Variants in GRIN3A observed in about 807,000 individuals in gnomAD.
GRIN3A encodes the protein glutamate receptor ionotropic, NMDA 3A.
Under a neutral mutation model 92.4 loss-of-function variants are expected in GRIN3A, and 47 were observed. The ratio of observed to expected loss-of-function variants is 0.51; its 90% confidence interval spans 0.40 to 0.65. GRIN3A has a LOEUF of 0.65. Among genes scored for constraint, GRIN3A ranks in the 30% least tolerant of loss-of-function variants. GRIN3A has a pLI of 0.00. For missense variants in GRIN3A, 1,324 were observed against 1,393.1 expected (o/e 0.95, Z 0.79); for synonymous variants, 527 against 540.6 (o/e 0.97, Z 0.35).
intron 6 of GRIN3A, among the ~76,000 whole-genome samples, chr9:101,584,099 G>A (rs916654114): frequency 6.6e-5 from 10 of 152,042 alleles, no homozygotes; most frequent in South Asian, 2.1e-4. Flanking sequence ...TAATCTGCCC[G>A]CCTCAGCCTC....
At chr9:101,624,616 G>T (rs559805939) in intron 4 of GRIN3A, among the ~76,000 whole-genome samples, 2 of 152,118 alleles carry the variant, frequency 1.3e-5, no homozygotes, top group East Asian at 3.9e-4. Context: ...TCTTAATCCA[G>T]TCTATCGTTG....
chr9:101,661,058 G>A (rs1829165634), intron 3 of GRIN3A, among the ~76,000 whole-genome samples: 1 of 151,838 alleles, frequency 6.6e-6, no homozygotes, highest in Admixed American at 6.6e-5. Context: ...AATAAACTGG[G>A]TGGAAATGAA....
At chr9:101,673,238 C>G (rs1176181853) in intron 2 of GRIN3A, among the ~76,000 whole-genome samples, 1 of 152,058 alleles carries the variant, frequency 6.6e-6, no homozygotes, top group Admixed American at 6.6e-5. Context: ...CACTAGAAAT[C>G]TTCAGAAAAT....
At chr9:101,662,093 A>G (rs1164500120) in intron 3 of GRIN3A, among the ~76,000 whole-genome samples, 10 of 152,060 alleles carry the variant, frequency 6.6e-5, no homozygotes, top group African/African-American at 2.2e-4. Flanking sequence ...TAAAGGTCGC[A>G]TAACATACAA....
At chr9:101,589,059 C>G (rs1827987705) in intron 6 of GRIN3A, among the ~76,000 whole-genome samples, 1 of 152,148 alleles carries the variant, frequency 6.6e-6, no homozygotes, top group Admixed American at 6.5e-5. Context: ...CAACCTCCGC[C>G]TTTCTGGTTC....
rs916772230 is a variant in GRIN3A at position 101,584,856 on chromosome 9, C to T, written c.2767-5496G>A. 3.9e-5 allele frequency among the ~76,000 whole-genome samples: 6 copies of T among 152,162 alleles called. 1 individual carries two copies. Among genetic ancestry groups the T allele is most frequent in the Admixed American group, 2.0e-4 (3 of 15,278 alleles). On this transcript the variant is annotated intron_variant, in intron 6 of 8. Transcript: ENST00000361820. ...CACTTGAAACATCTGACAGCTGGCTCGAGTAGTGACTAGTTCTCAAGTCTC... is the reference window on the plus strand; with the variant it reads ...CACTTGAAACATCTGACAGCTGGCTTGAGTAGTGACTAGTTCTCAAGTCTC...
At chr9:101,628,656 C>G (rs1030070281) in intron 3 of GRIN3A, among the ~76,000 whole-genome samples, 1 of 151,994 alleles carries the variant, frequency 6.6e-6, no homozygotes, top group African/African-American at 2.4e-5. Context: ...ATATTGGAAC[C>G]TATTAGAATT....
At chr9:101,723,640 T>C (rs550798053) in intron 1 of GRIN3A, among the ~76,000 whole-genome samples, 1 of 152,110 alleles carries the variant, frequency 6.6e-6, no homozygotes, top group Non-Finnish European at 1.5e-5. Context: ...AGGGTGCTGA[T>C]GGGTGCGTTT....
intron 1 of GRIN3A, among the ~76,000 whole-genome samples, chr9:101,688,257 G>A (rs1283734620): frequency 6.6e-6 from 1 of 152,134 alleles, no homozygotes; most frequent in South Asian, 2.1e-4. Context: ...ATGTGTAACA[G>A]GAAATAGAAT....
intron 1 of GRIN3A, among the ~76,000 whole-genome samples, chr9:101,704,069 C>T (rs1829784935): frequency 6.6e-6 from 1 of 152,178 alleles, no homozygotes; most frequent in Non-Finnish European, 1.5e-5. Flanking sequence ...ACGGTATTTA[C>T]TAAGCATTAG....
At chr9:101,636,760 G>A (rs564012210) in intron 3 of GRIN3A, among the ~76,000 whole-genome samples, 5 of 152,230 alleles carry the variant, frequency 3.3e-5, no homozygotes, top group South Asian at 4.2e-4. Flanking sequence ...CAAATAGCCC[G>A]TGACCTTTGG....
At chr9:101,724,483 G>A (rs185417454) in intron 1 of GRIN3A, among the ~76,000 whole-genome samples, 9 of 152,218 alleles carry the variant, frequency 5.9e-5, no homozygotes, top group Admixed American at 5.2e-4. Flanking sequence ...TCCCGCTCGC[G>A]CCTCTCCCTC....
intron 1 of GRIN3A, among the ~76,000 whole-genome samples, chr9:101,733,873 A>T (rs1048450917): frequency 7.2e-5 from 11 of 152,040 alleles, no homozygotes; most frequent in East Asian, 1.9e-4. Flanking sequence ...TAATTAAAAA[A>T]TTTTTTTAAG....
intron 8 of GRIN3A, among the ~76,000 whole-genome samples, chr9:101,573,998 T>C (rs993089211): frequency 2.0e-5 from 3 of 152,042 alleles, no homozygotes; most frequent in Non-Finnish European, 4.4e-5. Context: ...ACCATCCTGA[T>C]GTTTACTACT....
rs199579448 is a variant in GRIN3A, at chr9:101,671,067, T to C, written c.1345A>G (p.Ile449Val). 6 of 1,613,948 alleles carry C rather than the reference T, an allele frequency of 3.7e-6. No individual in the cohort carries two copies. The East Asian group carries it at 1.1e-4, about 30-fold the overall frequency. The change falls in exon 3 of 9, where the codon ATC becomes GTC. Residue 449 changes from isoleucine (I) to valine (V), a missense_variant. Transcript: ENST00000361820. ...ACGATGGTGGAACCTTTTACTCTGATGGAACCACTGAGGCCTCTGAAAGTG... is the reference window on the plus strand; with the variant it reads ...ACGATGGTGGAACCTTTTACTCTGACGGAACCACTGAGGCCTCTGAAAGTG... ...NTTFRGLSGS[I>V]RVKGSTIVSS...
intron 3 of GRIN3A, among the ~76,000 whole-genome samples, chr9:101,665,256 C>T (rs1428530304): frequency 1.3e-5 from 2 of 151,882 alleles, no homozygotes; most frequent in African/African-American, 4.8e-5. Flanking sequence ...CCTTGGAGCA[C>T]ATTTCTCAGT....
intron 3 of GRIN3A, among the ~76,000 whole-genome samples, chr9:101,638,734 T>C (rs1190815914): frequency 6.6e-6 from 1 of 152,218 alleles, no homozygotes; most frequent in Non-Finnish European, 1.5e-5. Flanking sequence ...AAACAGTAAA[T>C]GACAAAACTG....
chr9:101,735,172 T>C (rs1049760216), intron 1 of GRIN3A, among the ~76,000 whole-genome samples: 1 of 151,612 alleles, frequency 6.6e-6, no homozygotes, highest in Non-Finnish European at 1.5e-5. Flanking sequence ...GTAAGACAAA[T>C]TAGATATGTT....
At chr9:101,624,330 C>T (rs1422426035) in intron 4 of GRIN3A, among the ~76,000 whole-genome samples, 2 of 144,282 alleles carry the variant, frequency 1.4e-5, no homozygotes, top group South Asian at 2.2e-4. Flanking sequence ...CCCATTAACT[C>T]GTCATTTAGC....
Sources: allele counts gnomAD v4.1 joint callset (sites outside exome capture counted in the v4.1 genomes callset), GRCh38; gene constraint gnomAD v4.1.1; transcripts MANE v1.5; gene names NCBI Gene and HGNC (gene_info 2026-07-23, HGNC 2026-07-21).